Variants in CCDC186 observed in about 807,000 individuals in gnomAD.
CCDC186 encodes coiled-coil domain containing 186.
In CCDC186, 49 loss-of-function variants were observed where a neutral mutation model predicts 113.7. That is an observed-to-expected ratio of 0.43 (90% CI 0.34 to 0.55). CCDC186 has a LOEUF of 0.55. Ranked by LOEUF, CCDC186 falls within the 20% of genes least tolerant of loss-of-function variation. The probability of loss-of-function intolerance (pLI) is 0.02; values close to 1 mark genes in which losing one functional copy is unlikely to be tolerated. For synonymous variants in CCDC186, 355 were observed against 345.8 expected (o/e 1.03, Z -0.30); for missense variants, 890 against 1,011.1 (o/e 0.88, Z 1.62).
intron 6 of CCDC186, among the ~76,000 whole-genome samples, chr10:114,144,165 G>C (rs1202595338): frequency 6.6e-6 from 1 of 151,962 alleles, no homozygotes; most frequent in Non-Finnish European, 1.5e-5. Flanking sequence ...CAATTTCTCA[G>C]TGTTATTTAA....
intron 1 of CCDC186, among the ~76,000 whole-genome samples, chr10:114,172,937 G>A (rs1452189475): frequency 6.6e-6 from 1 of 152,134 alleles, no homozygotes; most frequent in Non-Finnish European, 1.5e-5. Context: ...AGGTGTACTT[G>A]ATAGTTGGGA....
In CCDC186 at chr10:114,131,488, A is replaced by G. The variant is rs1022178778; in HGVS notation, c.1912-152T>C. 4.6e-5 allele frequency: 29 copies of G among 633,722 alleles called. 1 individual carries two copies. The African/African-American group carries it at 5.1e-4, about 11-fold the overall frequency. 39.3% of individuals were successfully genotyped at this position (633,722 alleles called of 1,614,324 possible). Reference sequence around the variant, plus strand: ...GCTTTTGTTTACTTGAGCTTCTCACAGTTCTCATATAGAAAAGCAGGGGGA... The same window carrying G: ...GCTTTTGTTTACTTGAGCTTCTCACGGTTCTCATATAGAAAAGCAGGGGGA... On this transcript the variant is annotated intron_variant, in intron 11 of 15. Coordinates refer to ENST00000369287, the MANE Select transcript of CCDC186 (RefSeq NM_018017.4).
At chr10:114,164,743 G>A (rs1438161525) in intron 1 of CCDC186, among the ~76,000 whole-genome samples, 1 of 152,146 alleles carries the variant, frequency 6.6e-6, no homozygotes, top group African/African-American at 2.4e-5. Flanking sequence ...GAAAACTAAT[G>A]GAGAGATATA....
rs925158875 is a variant in CCDC186, at chr10:114,160,877, T to C, written c.632+1760A>G. On this transcript the variant is annotated intron_variant, in intron 2 of 15. Transcript: ENST00000369287. ...AAAACATCATGTGTATAACCAAAAA[T>C]TAACCTTGATTTAAAATAACATCTG... Among the ~76,000 whole-genome samples the C allele has an allele frequency of 3.3e-5, 5 of 152,314 alleles. No homozygotes were observed. The South Asian group carries it at 8.3e-4, about 25-fold the overall frequency.
chr10:114,160,503 T>C (rs925103238), intron 2 of CCDC186, among the ~76,000 whole-genome samples: 1 of 152,170 alleles, frequency 6.6e-6, no homozygotes, highest in Non-Finnish European at 1.5e-5. Context: ...CACTTGAAAT[T>C]TGTTTAGACA....
In CCDC186 at chr10:114,126,564, G is replaced by C. The variant is rs560487456; in HGVS notation, c.2394-459C>G. On this transcript the variant is annotated intron_variant, in intron 14 of 15. Transcript: ENST00000369287. ...GGGGTCTTGCTATGTTGCTCAGGCT[G>C]GTTGACCTCCTAGCCTCAAGCAATC... Among the ~76,000 whole-genome samples, 34 of 152,132 alleles carry C rather than the reference G, an allele frequency of 2.2e-4. No individual in the cohort carries two copies. The South Asian group carries it at 6.6e-3, about 30-fold the overall frequency.
chr10:114,170,589 GCT>G (rs1465197149), intron 1 of CCDC186, among the ~76,000 whole-genome samples: 1 of 152,172 alleles, frequency 6.6e-6, no homozygotes, highest in East Asian at 1.9e-4. Context: ...CCCCAAAAGT[GCT>G]GTGATTACAG....
intron 1 of CCDC186, among the ~76,000 whole-genome samples, chr10:114,168,683 C>T (rs1336159635): frequency 1.3e-5 from 2 of 152,126 alleles, no homozygotes; most frequent in Admixed American, 6.5e-5. Context: ...CCCTGCCCAC[C>T]AAATTATCCT....
Position 114,163,318 on chromosome 10 carries a change from T to G in CCDC186, c.-50A>C. On this transcript the variant is annotated 5_prime_UTR_variant, in exon 2 of 16. Coordinates refer to ENST00000369287, the MANE Select transcript of CCDC186 (RefSeq NM_018017.4). ...TAATTCTTCAAATCTGCTCCTGATCTTCGTTTTACATCTAAGAAATTGAAA... is the reference window on the plus strand; with the variant it reads ...TAATTCTTCAAATCTGCTCCTGATCGTCGTTTTACATCTAAGAAATTGAAA... 6.4e-7 allele frequency: 1 copy of G among 1,556,340 alleles called. No homozygotes were observed. Among genetic ancestry groups the G allele is most frequent in the Non-Finnish European group, 8.6e-7 (1 of 1,161,868 alleles).
At chr10:114,148,892 G>A (rs186460224) in intron 4 of CCDC186, among the ~76,000 whole-genome samples, 2 of 152,334 alleles carry the variant, frequency 1.3e-5, no homozygotes, top group East Asian at 3.9e-4. Flanking sequence ...TAAAAAGCAG[G>A]TGAATGTGCG....
At chr10:114,150,671 C>CA (rs1180662910) in intron 4 of CCDC186, among the ~76,000 whole-genome samples, 2 of 151,628 alleles carry the variant, frequency 1.3e-5, no homozygotes, top group Admixed American at 1.3e-4. Context: ...TTTTTTTAGA[C>CA]AGAGTCTTGC....
At chr10:114,168,454 A>C (rs2032397125) in intron 1 of CCDC186, among the ~76,000 whole-genome samples, 1 of 152,202 alleles carries the variant, frequency 6.6e-6, no homozygotes, top group African/African-American at 2.4e-5. Context: ...TAGGTTTGAT[A>C]AACTGCAAAT....
chr10:114,135,803 C>T (rs747415468), intron 9 of CCDC186, 88 bp downstream of exon 9: 153 of 1,040,902 alleles, frequency 1.5e-4, no homozygotes, highest in Non-Finnish European at 2.0e-4. Flanking sequence ...ATATTAATGT[C>T]CTTTCCCCAC....
Position 114,155,632 on chromosome 10 carries a change from G to A in CCDC186, c.759+1922C>T, listed in dbSNP as rs554452721. Among the ~76,000 whole-genome samples, 143 of 152,096 alleles carry A rather than the reference G, an allele frequency of 9.4e-4. 2 individuals are homozygous for A. Among genetic ancestry groups the A allele is most frequent in the Non-Finnish European group, 1.0e-3 (70 of 68,010 alleles). ...AGTGGTTGCTATGAGCCGAGATCGCGCCATTGCACCCCAGCCTGGGCAACA... is the reference window on the plus strand; with the variant it reads ...AGTGGTTGCTATGAGCCGAGATCGCACCATTGCACCCCAGCCTGGGCAACA... On this transcript the variant is annotated intron_variant, in intron 3 of 15. Transcript: ENST00000369287.
chr10:114,123,689 A>G lies in CCDC186; in HGVS notation c.*1454T>C, dbSNP rs2030798550. On this transcript the variant is annotated 3_prime_UTR_variant, in exon 16 of 16. Transcript: ENST00000369287. ...GCTCAGAAATTGTAAGTGAGAAATA[A>G]TAAGGGGTGAGAAAAAATTCAATGA... 1.3e-5 allele frequency: 2 copies of G among 152,246 alleles called. No homozygotes were observed. The highest frequency in any genetic ancestry group is 4.8e-5 in the African/African-American group (2 of 41,464). 9.4% of individuals were successfully genotyped at this position (152,246 alleles called of 1,614,324 possible).
In CCDC186 at chr10:114,124,981, C is replaced by A. The variant is rs1443432151; in HGVS notation, c.*162G>T. The A allele has an allele frequency of 1.4e-5, 8 of 565,586 alleles. No individual in the cohort carries two copies. The highest frequency in any genetic ancestry group is 2.6e-5 in the South Asian group (1 of 38,602). 35.0% of individuals were successfully genotyped at this position (565,586 alleles called of 1,614,324 possible). A position where few individuals can be genotyped will look rare whatever the true frequency, so the allele number is the denominator to read the frequency against. ...GCTTTCAGTCTTACAGTATATACAG[C>A]AATGCATTCATATTGTAAAAGGGTA... On this transcript the variant is annotated 3_prime_UTR_variant, in exon 16 of 16. Transcript: ENST00000369287.
At chr10:114,147,931 C>A (rs1252692042) in intron 4 of CCDC186, among the ~76,000 whole-genome samples, 2 of 151,992 alleles carry the variant, frequency 1.3e-5, no homozygotes, top group East Asian at 3.8e-4. Flanking sequence ...GAGTTTGAGA[C>A]CAGCCTGGAC....
At position 114,135,614 on chromosome 10, in the gene CCDC186, C is replaced by T. The variant is rs935643505; in HGVS notation, c.1512+277G>A. Among the ~76,000 whole-genome samples, 5 of 152,126 alleles carry T rather than the reference C, an allele frequency of 3.3e-5. No homozygotes were observed. The South Asian group carries it at 8.3e-4, about 25-fold the overall frequency. ...CTTTCCAATTGATTCGTTGATGAGACTGCCTTTAGATGAGAAGCCCAAGGA... is the reference window on the plus strand; with the variant it reads ...CTTTCCAATTGATTCGTTGATGAGATTGCCTTTAGATGAGAAGCCCAAGGA... On this transcript the variant is annotated intron_variant, in intron 9 of 15. Coordinates refer to ENST00000369287, the MANE Select transcript of CCDC186 (RefSeq NM_018017.4).
Position 114,162,810 on chromosome 10 carries a change from T to C in CCDC186, c.459A>G (p.Ile153Met), listed in dbSNP as rs2032218094. ...AATCCTCTGATGCTGAAACGCTCTT[T>C]ATTTTTGAAATAAATTTCTTGGTGC... ...TDCTKKFISK[I>M]KSVSASEDLL... Residue 153 changes from isoleucine (I) to methionine (M), a missense_variant, in exon 2 of 16, where the codon ATA becomes ATG. Coordinates refer to ENST00000369287, the MANE Select transcript of CCDC186 (RefSeq NM_018017.4). 6.2e-7 allele frequency: 1 copy of C among 1,613,850 alleles called. No individual in the cohort carries two copies. Among genetic ancestry groups the C allele is most frequent in the East Asian group, 2.2e-5 (1 of 44,858 alleles).
Sources: gnomAD v4.1 joint callset for allele counts (sites outside exome capture counted in the v4.1 genomes callset) on GRCh38, gnomAD v4.1.1 for gene constraint, MANE v1.5 for transcripts, NCBI Gene and HGNC (gene_info 2026-07-23, HGNC 2026-07-21) for gene names.